BNC2: variants seen among roughly 807,000 people sequenced by gnomAD.
The protein encoded by BNC2 is basonuclin zinc finger protein 2.
BNC2 carries 20 observed loss-of-function variants against 76.3 expected under a neutral mutation model. The observed-to-expected ratio is 0.26, with a 90% CI of 0.18 to 0.38. The LOEUF is 0.38. Among genes scored for constraint, BNC2 ranks in the 10% least tolerant of loss-of-function variants. BNC2 has a pLI of 1.00. For synonymous variants in BNC2, 582 were observed against 514.8 expected, an observed-to-expected ratio of 1.13 and a Z score of -1.77; for missense variants, 1,382 against 1,399.8, an observed-to-expected ratio of 0.99 and a Z score of 0.20.
chr9:16,475,011 T>C (rs1314150533), intron 5 of BNC2, among the ~76,000 whole-genome samples: 1 of 152,092 alleles, frequency 6.6e-6, no homozygotes, highest in Non-Finnish European at 1.5e-5. Flanking sequence ...CCATATGAGA[T>C]TGCAGCAAAG....
chr9:16,484,359 T>C (rs1014227665), intron 5 of BNC2, among the ~76,000 whole-genome samples: 1 of 152,216 alleles, frequency 6.6e-6, no homozygotes, highest in African/African-American at 2.4e-5. Context: ...CAGCCTTACA[T>C]CTGTCTGCTT....
intron 5 of BNC2, among the ~76,000 whole-genome samples, chr9:16,506,513 C>CTTTTTT (rs568955982): frequency 0.015 from 649 of 43,312 alleles, 148 homozygotes; most frequent in African/African-American, 0.048. Flanking sequence ...TCTCTCTCCT[C>CTTTTTT]TTTTTTTTTT....
chr9:16,614,909 T>G (rs1263758340), intron 3 of BNC2, among the ~76,000 whole-genome samples: 1 of 136,568 alleles, frequency 7.3e-6, no homozygotes, highest in Non-Finnish European at 1.5e-5. Context: ...TTAGCTGTCA[T>G]CGGGCCACTG....
chr9:16,717,901 G>T (rs886179985), intron 3 of BNC2, among the ~76,000 whole-genome samples: 1 of 152,138 alleles, frequency 6.6e-6, no homozygotes, highest in Non-Finnish European at 1.5e-5. Flanking sequence ...GCAGCAGTTG[G>T]TTTATTAAGA....
intron 5 of BNC2, among the ~76,000 whole-genome samples, chr9:16,550,439 G>A (rs1468723818): frequency 1.3e-5 from 2 of 152,136 alleles, no homozygotes; most frequent in Non-Finnish European, 2.9e-5. Context: ...TTAGAGATAT[G>A]TTCACAAGTT....
chr9:16,789,191 G>C (rs1023890197), intron 1 of BNC2, among the ~76,000 whole-genome samples: 1 of 152,118 alleles, frequency 6.6e-6, no homozygotes, highest in Non-Finnish European at 1.5e-5. Flanking sequence ...TATAGGGGCA[G>C]AAAACATCAG....
intron 3 of BNC2, among the ~76,000 whole-genome samples, chr9:16,710,885 G>A (rs1239818059): frequency 5.3e-5 from 8 of 152,130 alleles, no homozygotes; most frequent in Admixed American, 5.2e-4. Flanking sequence ...TTACTACTGG[G>A]AAAATGAAGA....
At chr9:16,424,285 T>C (rs1450718622) in intron 6 of BNC2, among the ~76,000 whole-genome samples, 5 of 150,260 alleles carry the variant, frequency 3.3e-5, no homozygotes. Context: ...AAAAAACAAG[T>C]TGCATGACCA....
chr9:16,788,509 C>T (rs1394419974), intron 1 of BNC2, among the ~76,000 whole-genome samples: 2 of 148,800 alleles, frequency 1.3e-5, no homozygotes, highest in Non-Finnish European at 1.5e-5. Flanking sequence ...GCCGAGATGA[C>T]GCCACTGCAC....
chr9:16,571,031 A>G (rs1460964592), intron 4 of BNC2, among the ~76,000 whole-genome samples: 2 of 152,202 alleles, frequency 1.3e-5, no homozygotes, highest in Admixed American at 1.3e-4. Context: ...GGCACAATCA[A>G]AAGAGTCAAT....
At chr9:16,596,566 A>G (rs1046488868) in intron 3 of BNC2, among the ~76,000 whole-genome samples, 6 of 152,150 alleles carry the variant, frequency 3.9e-5, no homozygotes, top group African/African-American at 1.4e-4. Context: ...GGATACTGGC[A>G]AATTCTTTCA....
intron 1 of BNC2, among the ~76,000 whole-genome samples, chr9:16,764,223 T>C (rs1012809290): frequency 3.3e-5 from 5 of 152,222 alleles, no homozygotes; most frequent in Non-Finnish European, 7.3e-5. Flanking sequence ...CATGTTTGCA[T>C]ACTTATGATG....
At position 16,446,642 on chromosome 9, in the gene BNC2, T is replaced by C. The variant is rs75469042; in HGVS notation, c.670-9118A>G. Among the ~76,000 whole-genome samples, 36 of 152,296 alleles carry C rather than the reference T, an allele frequency of 2.4e-4. No individual in the cohort carries two copies. The East Asian group carries it at 5.6e-3, about 24-fold the overall frequency. On this transcript the variant is annotated intron_variant, in intron 5 of 6. Transcript: ENST00000380672. ...GTGGTTCTTCTGATTTTTAAAATAT[T>C]GCTTGACATTTGATTTAAAAAATTT...
intron 1 of BNC2, among the ~76,000 whole-genome samples, chr9:16,780,081 A>C: frequency 6.7e-6 from 1 of 150,130 alleles, no homozygotes; most frequent in East Asian, 2.0e-4. Context: ...CTAAAAATAC[A>C]AAAAATTAGC....
intron 3 of BNC2, among the ~76,000 whole-genome samples, chr9:16,663,641 A>C (rs1273257292): frequency 6.6e-6 from 1 of 152,186 alleles, no homozygotes; most frequent in African/African-American, 2.4e-5. Context: ...GTGACTTTAC[A>C]CAGGTAAAAA....
intron 3 of BNC2, among the ~76,000 whole-genome samples, chr9:16,661,434 T>C (rs1822107953): frequency 6.6e-6 from 1 of 152,124 alleles, no homozygotes; most frequent in Admixed American, 6.5e-5. Flanking sequence ...GTGATCAGTA[T>C]ACTATATAGC....
At chr9:16,813,876 A>G (rs1434742913) in intron 1 of BNC2, among the ~76,000 whole-genome samples, 1 of 152,190 alleles carries the variant, frequency 6.6e-6, no homozygotes, top group East Asian at 1.9e-4. Flanking sequence ...CAGAAATAAA[A>G]GCAATGGGAA....
At chr9:16,492,186 T>C (rs894261199) in intron 5 of BNC2, among the ~76,000 whole-genome samples, 1 of 152,004 alleles carries the variant, frequency 6.6e-6, no homozygotes, top group Non-Finnish European at 1.5e-5. Flanking sequence ...TGCTTTCACA[T>C]GGTGTGGGCA....
chr9:16,437,301 A>G lies in BNC2; in HGVS notation c.893T>C (p.Leu298Pro), dbSNP rs1821039094. Residue 298 changes from leucine (L) to proline (P), a missense_variant, in exon 6 of 7, where the codon CTT becomes CCT. Leu to Pro is a moderately conservative substitution (Grantham distance 98). Transcript: ENST00000380672. ...SNNRTRSPSL[L>P]AHLENSNPSS... ...AGGATTGCTGTTCTCTAAGTGAGCA[A>G]GGAGGCTGGGACTCCTGGTGCGATT... The G allele has an allele frequency of 6.2e-7, 1 of 1,614,180 alleles. No homozygotes were observed. Among genetic ancestry groups the G allele is most frequent in the African/African-American group, 1.3e-5 (1 of 75,042 alleles).
Sources: allele counts gnomAD v4.1 joint callset (sites outside exome capture counted in the v4.1 genomes callset), GRCh38; gene constraint gnomAD v4.1.1; transcripts MANE v1.5; gene names NCBI Gene and HGNC (gene_info 2026-07-23, HGNC 2026-07-21).